SLX4IP: variants seen among roughly 807,000 people sequenced by gnomAD.
SLX4IP encodes the protein SLX4 interacting protein, also known as protein SLX4IP.
SLX4IP carries 34 observed loss-of-function variants against 32.9 expected under a neutral mutation model. The ratio of observed to expected loss-of-function variants is 1.03; its 90% CI spans 0.79 to 1.38. The LOEUF is 1.38. Among genes scored for constraint, SLX4IP ranks in the 40% most tolerant of loss-of-function variants. SLX4IP has a pLI of 0.00. For synonymous variants in SLX4IP, 172 were observed against 171.7 expected, an observed-to-expected ratio of 1.00 and a Z score of -0.01; for missense variants, 444 against 479.0, an observed-to-expected ratio of 0.93 and a Z score of 0.68.
At chr20:10,458,254 T>C (rs781687096) in intron 2 of SLX4IP, 23 bp downstream of exon 2, 2 of 1,562,794 alleles carry the variant, frequency 1.3e-6, no homozygotes, top group Middle Eastern at 1.7e-4. Context: ...TAATAGCTTT[T>C]TAAAAAGAGG....
At chr20:10,612,468 C>G (rs2122561367) in intron 6 of SLX4IP, among the ~76,000 whole-genome samples, 1 of 152,294 alleles carries the variant, frequency 6.6e-6, no homozygotes, top group East Asian at 1.9e-4. Context: ...GAAGCAGTAA[C>G]ATTTTGAATA....
At chr20:10,536,455 G>C (rs887664721) in intron 2 of SLX4IP, among the ~76,000 whole-genome samples, 3 of 152,100 alleles carry the variant, frequency 2.0e-5, no homozygotes, top group African/African-American at 4.8e-5. Flanking sequence ...GCAACGGTTT[G>C]ATCTCTCAGT....
At chr20:10,540,706 C>A (rs2122477959) in intron 2 of SLX4IP, among the ~76,000 whole-genome samples, 1 of 152,238 alleles carries the variant, frequency 6.6e-6, no homozygotes, top group East Asian at 1.9e-4. Context: ...TCCCAGCAGT[C>A]AACTAGAAAA....
At position 10,471,762 on chromosome 20, in the gene SLX4IP, G is replaced by A. The variant is rs1473611218; in HGVS notation, c.27+13531G>A. ...AGTTTTTCTGCTTTATTTGTCTTTG[G>A]CTGGGGTCAATCACTCAGATGCATT... On this transcript the variant is annotated intron_variant, in intron 2 of 7. Coordinates refer to ENST00000334534, the MANE Select transcript of SLX4IP (RefSeq NM_001009608.3). Among the ~76,000 whole-genome samples the A allele has an allele frequency of 3.9e-5, 6 of 152,118 alleles. No homozygotes were observed. The South Asian group carries it at 1.2e-3, about 31-fold the overall frequency.
At chr20:10,513,122 ACCT>A (rs2065824756) in intron 2 of SLX4IP, among the ~76,000 whole-genome samples, 1 of 151,928 alleles carries the variant, frequency 6.6e-6, no homozygotes, top group Non-Finnish European at 1.5e-5. Context: ...GAAAACGAAG[ACCT>A]CCTAGAGGAG....
intron 2 of SLX4IP, among the ~76,000 whole-genome samples, chr20:10,503,305 C>T (rs1052147570): frequency 3.9e-5 from 6 of 152,246 alleles, no homozygotes; most frequent in East Asian, 3.9e-4. Context: ...TAACAGCTGG[C>T]GGGTGACTGA....
chr20:10,561,503 T>C (rs1444798286), intron 4 of SLX4IP, among the ~76,000 whole-genome samples: 1 of 151,936 alleles, frequency 6.6e-6, no homozygotes, highest in Non-Finnish European at 1.5e-5. Context: ...TCTGATTACA[T>C]CATCAAATTT....
chr20:10,477,194 G>A (rs113707036), intron 2 of SLX4IP, among the ~76,000 whole-genome samples: 6 of 151,680 alleles, frequency 4.0e-5, no homozygotes, highest in African/African-American at 1.5e-4. Context: ...ACGGAGTTTC[G>A]CTCTTTTAGT....
intron 2 of SLX4IP, among the ~76,000 whole-genome samples, chr20:10,540,318 A>G (rs117614936): frequency 0.012 from 1,839 of 152,112 alleles, 25 homozygotes; most frequent in Non-Finnish European, 0.015. Context: ...TTTGAGAAAC[A>G]CTGTGTCAGG....
intron 2 of SLX4IP, among the ~76,000 whole-genome samples, chr20:10,550,962 C>G (rs963217888): frequency 2.0e-5 from 3 of 152,192 alleles, no homozygotes; most frequent in Non-Finnish European, 4.4e-5. Context: ...CTGGCTAGTG[C>G]CCCTGTGAAA....
At chr20:10,482,301 G>C (rs2065529902) in intron 2 of SLX4IP, among the ~76,000 whole-genome samples, 1 of 152,096 alleles carries the variant, frequency 6.6e-6, no homozygotes, top group African/African-American at 2.4e-5. Context: ...TTTGCATTGT[G>C]CTTTTGGTAG....
intron 5 of SLX4IP, among the ~76,000 whole-genome samples, chr20:10,599,449 T>C (rs752909371): frequency 5.3e-5 from 8 of 152,222 alleles, no homozygotes; most frequent in Non-Finnish European, 1.0e-4. Flanking sequence ...TGTTTGTTTT[T>C]GAGACAAGTT....
At chr20:10,576,034 ACC>A (rs1383007089) in intron 4 of SLX4IP, among the ~76,000 whole-genome samples, 1 of 152,124 alleles carries the variant, frequency 6.6e-6, no homozygotes, top group East Asian at 1.9e-4. Context: ...GGGGATTCTA[ACC>A]CAAGTGTTGA....
At chr20:10,609,356 A>G (rs973035073) in intron 6 of SLX4IP, among the ~76,000 whole-genome samples, 3 of 152,220 alleles carry the variant, frequency 2.0e-5, no homozygotes, top group Non-Finnish European at 2.9e-5. Context: ...TCATAACGGG[A>G]TGAGGTTCCC....
intron 2 of SLX4IP, among the ~76,000 whole-genome samples, chr20:10,522,167 A>G (rs1287361349): frequency 6.6e-6 from 1 of 152,220 alleles, no homozygotes; most frequent in Non-Finnish European, 1.5e-5. Context: ...ATATAACTGG[A>G]AAATGTCTGT....
At chr20:10,592,917 C>T (rs2066729004) in intron 4 of SLX4IP, among the ~76,000 whole-genome samples, 2 of 152,126 alleles carry the variant, frequency 1.3e-5, no homozygotes, top group South Asian at 4.1e-4. Context: ...CAGGCGTGAG[C>T]CACTGTGCCT....
In SLX4IP at chr20:10,556,220, A is replaced by T; in HGVS notation, c.28-11A>T. 2.5e-6 allele frequency: 4 copies of T among 1,611,398 alleles called. No individual in the cohort carries two copies. The highest frequency in any genetic ancestry group is 3.4e-6 in the Non-Finnish European group (4 of 1,178,628). ...CGCACAGACACTGACTCTGCCATTAATGTCTTTCAGTGTGGGAATTTTGCT... is the reference window on the plus strand; with the variant it reads ...CGCACAGACACTGACTCTGCCATTATTGTCTTTCAGTGTGGGAATTTTGCT... On this transcript the variant is annotated splice_polypyrimidine_tract_variant and intron_variant, in intron 2 of 7. Transcript: ENST00000334534.
At chr20:10,581,704 G>A (rs941951621) in intron 4 of SLX4IP, among the ~76,000 whole-genome samples, 12 of 152,020 alleles carry the variant, frequency 7.9e-5, no homozygotes, top group African/African-American at 2.7e-4. Flanking sequence ...TCATTTGAGA[G>A]CAGGAGTTCA....
chr20:10,590,484 C>T (rs1036743719), intron 4 of SLX4IP, among the ~76,000 whole-genome samples: 2 of 151,980 alleles, frequency 1.3e-5, no homozygotes, highest in African/African-American at 2.4e-5. Flanking sequence ...CCTCAGCCTC[C>T]GGAGTAGCTG....
Sources: allele counts gnomAD v4.1 joint callset (sites outside exome capture counted in the v4.1 genomes callset), GRCh38; gene constraint gnomAD v4.1.1; transcripts MANE v1.5; gene names NCBI Gene and HGNC (gene_info 2026-07-23, HGNC 2026-07-21).